Variants in NKAIN3 observed in about 807,000 individuals in gnomAD.
NKAIN3 encodes sodium/potassium-transporting ATPase subunit beta-1-interacting protein 3.
Under a neutral mutation model 30.2 loss-of-function variants are expected in NKAIN3, and 25 were observed. The ratio of observed to expected loss-of-function variants is 0.83; its 90% CI spans 0.60 to 1.16. The LOEUF (loss-of-function observed/expected upper bound fraction) is 1.16, where lower values mean the gene tolerates loss of function less well. Among genes scored for constraint, NKAIN3 ranks in the 50% most tolerant of loss-of-function variants. The pLI, the probability that NKAIN3 is intolerant of heterozygous loss-of-function variation, is 0.00. For synonymous variants in NKAIN3, 91 were observed against 89.6 expected (o/e 1.02, Z -0.09); for missense variants, 225 against 254.1 (o/e 0.89, Z 0.78).
At chr8:62,960,899 GAGAA>G (rs942519684) in intron 6 of NKAIN3, among the ~76,000 whole-genome samples, 1 of 151,828 alleles carries the variant, frequency 6.6e-6, no homozygotes, top group Admixed American at 6.6e-5. Context: ...GAGAGAAAAA[GAGAA>G]AGAAAGAGGG....
intron 4 of NKAIN3, among the ~76,000 whole-genome samples, chr8:62,813,960 C>A (rs1416278978): frequency 6.6e-6 from 1 of 151,968 alleles, no homozygotes; most frequent in Non-Finnish European, 1.5e-5. Flanking sequence ...ATGAATATAT[C>A]ATCTCATTCT....
intron 1 of NKAIN3, among the ~76,000 whole-genome samples, chr8:62,357,857 T>A (rs1816409256): frequency 6.6e-6 from 1 of 152,178 alleles, no homozygotes; most frequent in Admixed American, 6.5e-5. Context: ...AGTTGTAATA[T>A]TTATTAGTTA....
intron 1 of NKAIN3, among the ~76,000 whole-genome samples, chr8:62,437,498 G>T (rs1361763918): frequency 6.6e-6 from 1 of 152,128 alleles, no homozygotes; most frequent in African/African-American, 2.4e-5. Context: ...ACTGAAGACT[G>T]GTCAGTGCTA....
At chr8:62,857,383 T>C (rs1820095152) in intron 4 of NKAIN3, among the ~76,000 whole-genome samples, 1 of 152,208 alleles carries the variant, frequency 6.6e-6, no homozygotes, top group African/African-American at 2.4e-5. Context: ...TGAATTTGAA[T>C]GTTGGCCTGT....
chr8:62,429,950 T>C (rs1804941959), intron 1 of NKAIN3, among the ~76,000 whole-genome samples: 1 of 151,888 alleles, frequency 6.6e-6, no homozygotes, highest in Non-Finnish European at 1.5e-5. Flanking sequence ...CATAACTCTT[T>C]CTATCTTGTA....
chr8:62,736,662 G>A (rs903023999), intron 3 of NKAIN3, among the ~76,000 whole-genome samples: 5 of 152,084 alleles, frequency 3.3e-5, no homozygotes, highest in African/African-American at 1.2e-4. Context: ...ATCCCCACCT[G>A]CCAATGGCTT....
intron 1 of NKAIN3, among the ~76,000 whole-genome samples, chr8:62,352,251 C>T (rs1816203420): frequency 6.6e-6 from 1 of 152,184 alleles, no homozygotes; most frequent in African/African-American, 2.4e-5. Flanking sequence ...TGAGCTTCAG[C>T]TCAGGCTTAG....
chr8:62,671,066 A>G (rs1813287290), intron 3 of NKAIN3, among the ~76,000 whole-genome samples: 1 of 152,052 alleles, frequency 6.6e-6, no homozygotes, highest in Non-Finnish European at 1.5e-5. Flanking sequence ...ATAAATTCCT[A>G]TTGTTTTATT....
chr8:62,419,621 T>C (rs533652448), intron 1 of NKAIN3, among the ~76,000 whole-genome samples: 1 of 152,294 alleles, frequency 6.6e-6, no homozygotes, highest in African/African-American at 2.4e-5. Context: ...AGAAGGAGTC[T>C]GTGTTACTAA....
intron 5 of NKAIN3, among the ~76,000 whole-genome samples, chr8:62,947,603 G>C (rs1353625912): frequency 6.6e-6 from 1 of 152,224 alleles, no homozygotes; most frequent in Non-Finnish European, 1.5e-5. Context: ...ATGGGCAGCT[G>C]TCCTGACTAA....
intron 4 of NKAIN3, among the ~76,000 whole-genome samples, chr8:62,764,116 C>G (rs1218461159): frequency 2.0e-5 from 3 of 152,128 alleles, no homozygotes; most frequent in African/African-American, 7.2e-5. Flanking sequence ...TTGGCTGATG[C>G]CCTTTGGGTT....
At chr8:62,304,800 C>T (rs1298166285) in intron 1 of NKAIN3, among the ~76,000 whole-genome samples, 1 of 91,632 alleles carries the variant, frequency 1.1e-5, no homozygotes, top group African/African-American at 4.0e-5. Context: ...GTGGTTGTGT[C>T]CTTGGTGTGT....
chr8:62,588,301 G>A (rs1467745742), intron 2 of NKAIN3, among the ~76,000 whole-genome samples: 13 of 151,672 alleles, frequency 8.6e-5, no homozygotes. Context: ...AGCAATACCT[G>A]CATATACCAA....
At chr8:62,411,987 C>T (rs1034799621) in intron 1 of NKAIN3, among the ~76,000 whole-genome samples, 1 of 152,046 alleles carries the variant, frequency 6.6e-6, no homozygotes, top group Non-Finnish European at 1.5e-5. Context: ...TTGCCCAAAA[C>T]AATTTACAGA....
At chr8:62,320,789 G>A (rs1001908289) in intron 1 of NKAIN3, among the ~76,000 whole-genome samples, 66 of 151,920 alleles carry the variant, frequency 4.3e-4, no homozygotes, top group East Asian at 3.9e-4. Context: ...TTCAACTTTC[G>A]TGAATCTGAC....
intron 4 of NKAIN3, among the ~76,000 whole-genome samples, chr8:62,845,806 A>T (rs961206328): frequency 6.6e-6 from 1 of 152,130 alleles, no homozygotes; most frequent in Non-Finnish European, 1.5e-5. Context: ...TAGGGAAAAG[A>T]CAGGCTTTGT....
intron 1 of NKAIN3, among the ~76,000 whole-genome samples, chr8:62,375,312 G>A (rs1252319727): frequency 6.6e-6 from 1 of 152,132 alleles, no homozygotes; most frequent in Non-Finnish European, 1.5e-5. Context: ...TTCAAATGCT[G>A]TGTATCAATA....
At chr8:62,791,826 G>A (rs936072072) in intron 4 of NKAIN3, among the ~76,000 whole-genome samples, 3 of 152,040 alleles carry the variant, frequency 2.0e-5, no homozygotes, top group African/African-American at 4.8e-5. Flanking sequence ...GGACCCAGAA[G>A]TAAACATTAT....
chr8:62,573,903 G>A (rs1810024512), intron 1 of NKAIN3, among the ~76,000 whole-genome samples: 2 of 152,044 alleles, frequency 1.3e-5, no homozygotes, highest in African/African-American at 2.4e-5. Context: ...TACTTTTGTA[G>A]CTATTTTAAA....
Sources: gnomAD v4.1 joint callset for allele counts (sites outside exome capture counted in the v4.1 genomes callset) on GRCh38, gnomAD v4.1.1 for gene constraint, MANE v1.5 for transcripts, NCBI Gene and HGNC (gene_info 2026-07-23, HGNC 2026-07-21) for gene names.